ADGRE3: variants seen among roughly 807,000 people sequenced by gnomAD.
The protein encoded by ADGRE3 is EGF-like module receptor 3.
In ADGRE3, 88 loss-of-function variants were observed where a neutral mutation model predicts 80.1. The ratio of observed to expected loss-of-function variants is 1.10; its 90% CI spans 0.93 to 1.31. The LOEUF (loss-of-function observed/expected upper bound fraction) is 1.31. Ranked by LOEUF, ADGRE3 falls within the 40% of genes most tolerant of loss-of-function variation. ADGRE3 has a pLI of 0.00. For missense variants in ADGRE3, 715 were observed against 776.5 expected, an observed-to-expected ratio of 0.92 and a Z score of 0.94; for synonymous variants, 281 against 294.8, an observed-to-expected ratio of 0.95 and a Z score of 0.48.
At chr19:14,611,066 C>T in the ADGRE3 span, 1 of 151,228 alleles carries the variant, frequency 6.6e-6, no homozygotes. Flanking sequence ...TTGAGCTAGA[C>T]CTCTAGATCT....
At chr19:14,637,459 GCATA>G (rs1353388862) in intron 11 of ADGRE3, among the ~76,000 whole-genome samples, 1 of 150,146 alleles carries the variant, frequency 6.7e-6, no homozygotes, top group African/African-American at 2.5e-5. Flanking sequence ...AGTGGCCTGA[GCATA>G]GCTCACTGCA....
intron 12 of ADGRE3, 59 bp downstream of exon 12, chr19:14,633,177 T>A: frequency 6.7e-7 from 1 of 1,493,022 alleles, no homozygotes; most frequent in Middle Eastern, 1.7e-4. Context: ...TGTACCATCT[T>A]GTACCCAGCA....
At chr19:14,657,743 A>ATT (rs368474694) in intron 5 of ADGRE3, among the ~76,000 whole-genome samples, 50 of 86,588 alleles carry the variant, frequency 5.8e-4, no homozygotes, top group South Asian at 1.6e-3. Flanking sequence ...ATATATATAT[A>ATT]TATTTTTTTG....
At chr19:14,608,628 A>ATTTTTT in the ADGRE3 span, among the ~76,000 whole-genome samples, 9 of 119,726 alleles carry the variant, frequency 7.5e-5, no homozygotes, top group African/African-American at 1.9e-4. Flanking sequence ...ATGAGGAAGA[A>ATTTTTT]TTTTTTTTTT....
intron 10 of ADGRE3, among the ~76,000 whole-genome samples, chr19:14,639,809 G>A (rs1204499006): frequency 6.6e-6 from 1 of 152,054 alleles, no homozygotes; most frequent in African/African-American, 2.4e-5. Flanking sequence ...CAGGACATAC[G>A]TTTTTGTACT....
At chr19:14,649,616 ATC>A (rs1379338343) in intron 7 of ADGRE3, among the ~76,000 whole-genome samples, 15 of 88,622 alleles carry the variant, frequency 1.7e-4, no homozygotes, top group African/African-American at 6.7e-4. Context: ...CTGTCTTTCC[ATC>A]TCTCTCTCCA....
At chr19:14,647,682 T>G (rs1971454536) in intron 7 of ADGRE3, among the ~76,000 whole-genome samples, 1 of 151,738 alleles carries the variant, frequency 6.6e-6, no homozygotes. Context: ...TCTCCCAAAG[T>G]GCTGGGATTA....
chr19:14,642,136 A>G (rs190628135), intron 9 of ADGRE3, among the ~76,000 whole-genome samples: 2 of 152,280 alleles, frequency 1.3e-5, no homozygotes, highest in African/African-American at 4.8e-5. Context: ...GCACGATATG[A>G]TTGTACTTTA....
At chr19:14,667,940 T>G (rs1444566177) in intron 2 of ADGRE3, among the ~76,000 whole-genome samples, 1 of 152,178 alleles carries the variant, frequency 6.6e-6, no homozygotes, top group African/African-American at 2.4e-5. Flanking sequence ...CTTGTAAAAC[T>G]GAAACTCTGT....
At chr19:14,636,049 CTTCCTTCCTTCCT>C (rs1268066400) in intron 11 of ADGRE3, among the ~76,000 whole-genome samples, 41 of 58,892 alleles carry the variant, frequency 7.0e-4, no homozygotes, top group African/African-American at 1.1e-3. Flanking sequence ...TCCTTCCTTC[CTTCCTTCCTTCCT>C]TTCCTTTCCT....
At chr19:14,641,245 A>G (rs928377666) in intron 10 of ADGRE3, among the ~76,000 whole-genome samples, 174 bp downstream of exon 10, 1 of 152,068 alleles carries the variant, frequency 6.6e-6, no homozygotes, top group African/African-American at 2.4e-5. Flanking sequence ...TTTTTCTCTT[A>G]TCTGTCTTTT....
At chr19:14,668,999 A>G (rs181436015) in intron 1 of ADGRE3, 147 bp from the exon 2 acceptor site, 2 of 714,872 alleles carry the variant, frequency 2.8e-6, no homozygotes, top group African/African-American at 3.6e-5. Context: ...TTTGTTGAGT[A>G]TGGAGATCTC....
intron 1 of ADGRE3, among the ~76,000 whole-genome samples, chr19:14,670,225 C>T (rs1972217031): frequency 6.6e-6 from 1 of 152,166 alleles, no homozygotes; most frequent in Admixed American, 6.6e-5. Flanking sequence ...ATTGTCCCTT[C>T]ACCTGTTGTC....
chr19:14,616,664 C>T (rs1002415597), downstream of ADGRE3, among the ~76,000 whole-genome samples: 3 of 151,690 alleles, frequency 2.0e-5, no homozygotes, highest in Admixed American at 6.6e-5. Flanking sequence ...GACTTTGCAC[C>T]GAGGAAGCAT....
chr19:14,648,315 G>T lies in ADGRE3; in HGVS notation c.698-950C>A, dbSNP rs114065256. Among the ~76,000 whole-genome samples, 588 of 152,182 alleles carry T rather than the reference G, an allele frequency of 3.9e-3. 3 individuals are homozygous for T. Among genetic ancestry groups the T allele is most frequent in the African/African-American group, 0.012 (504 of 41,530 alleles). On this transcript the variant is annotated intron_variant, in intron 7 of 15. Transcript: ENST00000253673. ...GTGATTCTGCCTGGGAACTTCCATG[G>T]GCGTGAATTTGTGTTTGGCCTGCAC...
chr19:14,660,235 T>C (rs1971906205), intron 4 of ADGRE3, among the ~76,000 whole-genome samples: 1 of 152,160 alleles, frequency 6.6e-6, no homozygotes, highest in Non-Finnish European at 1.5e-5. Flanking sequence ...TTTTCCTTTT[T>C]TGTAAAATAA....
intron 2 of ADGRE3, among the ~76,000 whole-genome samples, chr19:14,666,159 T>C (rs1424231892): frequency 6.6e-6 from 1 of 151,170 alleles, no homozygotes. Context: ...CTACTTTTAG[T>C]TCTTTAAGGA....
chr19:14,652,210 T>A (rs1395862837), intron 6 of ADGRE3, among the ~76,000 whole-genome samples: 1 of 152,140 alleles, frequency 6.6e-6, no homozygotes, highest in East Asian at 1.9e-4. Context: ...TTGATTGTGG[T>A]GATCATTCCA....
At chr19:14,616,291 C>A (rs575553020), downstream of ADGRE3, among the ~76,000 whole-genome samples, 1 of 152,050 alleles carries the variant, frequency 6.6e-6, no homozygotes, top group South Asian at 2.1e-4. Flanking sequence ...CTTCACACCC[C>A]GTTGGTGTTT....
Sources: gnomAD v4.1 joint callset for allele counts (sites outside exome capture counted in the v4.1 genomes callset) on GRCh38, gnomAD v4.1.1 for gene constraint, MANE v1.5 for transcripts, NCBI Gene and HGNC (gene_info 2026-07-23, HGNC 2026-07-21) for gene names.